The following PRRT3 variants were observed in gnomAD, a reference collection of about 807,000 sequenced individuals.
The protein encoded by PRRT3 is proline rich transmembrane protein 3, also known as proline-rich transmembrane protein 3.
A neutral mutation model predicts 56.6 loss-of-function variants in PRRT3; 48 were observed. The ratio of observed to expected loss-of-function variants is 0.85; its 90% CI spans 0.67 to 1.08. PRRT3 has a LOEUF of 1.08. Ranked by LOEUF, PRRT3 falls within the 50% of genes least tolerant of loss-of-function variation. The pLI is 0.00. For synonymous variants in PRRT3, 641 were observed against 619.1 expected (o/e 1.04, Z -0.52); for missense variants, 1,370 against 1,353.1 (o/e 1.01, Z -0.20).
Position 9,947,822 on chromosome 3 carries a change from C to G in PRRT3, c.1351G>C (p.Ala451Pro). 1 of 1,441,686 alleles carries G rather than the reference C, an allele frequency of 6.9e-7. No individual in the cohort carries two copies. The highest frequency in any genetic ancestry group is 9.1e-7 in the Non-Finnish European group (1 of 1,097,192). 89.3% of individuals were successfully genotyped at this position (1,441,686 alleles called of 1,614,324 possible). Reference protein sequence around the residue: ...MASAPASSPPANATAPPLRWG... With the variant: ...MASAPASSPPPNATAPPLRWG... ...CGTAGCGGGGGTGCAGTGGCGTTGGCTGGGGGGCTGGAGGCTGGGGCTGAA... is the reference window on the plus strand; with the variant it reads ...CGTAGCGGGGGTGCAGTGGCGTTGGGTGGGGGGCTGGAGGCTGGGGCTGAA... The change falls in exon 4 of 4, where the codon GCC becomes CCC. Residue 451 changes from alanine (A) to proline (P), a missense_variant. Coordinates refer to ENST00000412055, the MANE Select transcript of PRRT3 (RefSeq NM_207351.5). The surrounding 1 kb of genome is among the most constrained non-coding windows in gnomAD (Gnocchi z 9.2).
chr3:9,946,572 G>C lies in PRRT3; in HGVS notation c.2601C>G (p.Leu867=), dbSNP rs937957006. 201 of 1,411,142 alleles carry C rather than the reference G, an allele frequency of 1.4e-4. No individual in the cohort carries two copies. Among genetic ancestry groups the C allele is most frequent in the Non-Finnish European group, 1.8e-4 (192 of 1,084,516 alleles). The allele number at this position is 1,411,142 out of a possible 1,614,324, so 87.4% of individuals were successfully genotyped here. ...TGAGCGACCTGCAGCGGCCGCGGAG[G>C]AGCGAGGAGCCAGCGTCGTCGAGCT... ...KAELDDAGSS[L]LRGRCRSLSD... Residue 867 remains leucine, a synonymous_variant, in exon 4 of 4, where the codon CTC becomes CTG. Transcript: ENST00000412055. The surrounding 1 kb of genome is among the most constrained non-coding windows in gnomAD (Gnocchi z 4.1).
chr3:9,947,974 G>A lies in PRRT3; in HGVS notation c.1199C>T (p.Pro400Leu). 7.4e-7 allele frequency: 1 copy of A among 1,357,356 alleles called. No homozygotes were observed. The highest frequency in any genetic ancestry group is 2.2e-5 in the South Asian group (1 of 45,830). 84.1% of individuals were successfully genotyped at this position (1,357,356 alleles called of 1,614,324 possible). A position where few individuals can be genotyped will look rare whatever the true frequency, so the allele number is the denominator to read the frequency against. The change falls in exon 4 of 4, where the codon CCC (proline) becomes CTC (leucine). Residue 400 changes from proline (P) to leucine (L), a missense_variant. Pro to Leu is a moderately conservative substitution (Grantham distance 98). Transcript: ENST00000412055. This position sits in a 1 kb window ranked among gnomAD's most constrained non-coding sequence, Gnocchi z 9.2. ...PDEAEEWPGR[P>L]QSHPPAPPVQ... ...TGGGGGTGCTGGGGGATGGCTTTGG[G>A]GGCGCCCCGGCCACTCCTCGGCTTC...
In PRRT3 at chr3:9,947,143, C is replaced by A. The variant is rs2085539337; in HGVS notation, c.2030G>T (p.Gly677Val). 1.3e-6 allele frequency: 2 copies of A among 1,537,800 alleles called. No individual in the cohort carries two copies. Among genetic ancestry groups the A allele is most frequent in the Non-Finnish European group, 1.7e-6 (2 of 1,147,554 alleles). ...CAGGAGGCGCAGCCAGAAGTGGACACCCCACCAGGCCCACGAGAAGCGGCC... is the reference window on the plus strand; with the variant it reads ...CAGGAGGCGCAGCCAGAAGTGGACAACCCACCAGGCCCACGAGAAGCGGCC... ...RVGRFSWAWW[G>V]VHFWLRLLEL... Residue 677 changes from glycine (G) to valine (V), a missense_variant, in exon 4 of 4, where the codon GGT becomes GTT. Coordinates refer to ENST00000412055, the MANE Select transcript of PRRT3 (RefSeq NM_207351.5). The surrounding 1 kb of genome is among the most constrained non-coding windows in gnomAD (Gnocchi z 9.2).
chr3:9,948,130 C>T (rs2085561319), intron 3 of PRRT3, 129 bp from the exon 4 acceptor site: 3 of 984,508 alleles, frequency 3.0e-6, no homozygotes, highest in Admixed American at 4.0e-5. Flanking sequence ...CAGCACCTGC[C>T]TCATTGCGTT....
At position 9,949,721 on chromosome 3, in the gene PRRT3, T is replaced by G. The variant is rs761330176; in HGVS notation, c.395A>C (p.Asp132Ala). 6.8e-6 allele frequency: 11 copies of G among 1,614,030 alleles called. No individual in the cohort carries two copies. Among genetic ancestry groups the G allele is most frequent in the Middle Eastern group, 1.6e-4 (1 of 6,062 alleles). Residue 132 changes from aspartate to alanine, a missense_variant, in exon 2 of 4, where the codon GAC becomes GCC. Asp to Ala is a moderately radical substitution (Grantham distance 126). Coordinates refer to ENST00000412055, the MANE Select transcript of PRRT3 (RefSeq NM_207351.5). This position sits in a 1 kb window ranked among gnomAD's most constrained non-coding sequence, Gnocchi z 4.5. ...TTCTTGCTGCAGAAGCTCTTGTGAGTCCAGAGGTCCTGTCCAGCCGTGGGA... is the reference window on the plus strand; with the variant it reads ...TTCTTGCTGCAGAAGCTCTTGTGAGGCCAGAGGTCCTGTCCAGCCGTGGGA... ...PSSHGWTGPLDSQELLQQEAV... is the reference protein window; with the variant it reads ...PSSHGWTGPLASQELLQQEAV...
Position 9,946,831 on chromosome 3 carries a change from C to G in PRRT3, c.2342G>C (p.Gly781Ala), listed in dbSNP as rs756695094. Residue 781 changes from glycine to alanine, a missense_variant, in exon 4 of 4, where the codon GGA (glycine) becomes GCA (alanine). Physicochemically the swap from Gly to Ala is moderately conservative, Grantham distance 60. Transcript: ENST00000412055. This position sits in a 1 kb window ranked among gnomAD's most constrained non-coding sequence, Gnocchi z 4.1. ...GGACAGTCCCGGGCCACCCTGGGGT[C>G]CGCGACCCAACGACGCAGCCGAGCC... is the stretch of plus-strand genomic sequence containing the variant. ...AWGSAASLGR[G>A]PQGGPGLSRN... is the part of the protein sequence containing the mutation. 35 of 1,541,454 alleles carry G rather than the reference C, an allele frequency of 2.3e-5. No individual in the cohort carries two copies. Among genetic ancestry groups the G allele is most frequent in the Non-Finnish European group, 2.8e-5 (32 of 1,150,044 alleles).
chr3:9,948,309 G>A, intron 3 of PRRT3: 1 of 354,756 alleles, frequency 2.8e-6, no homozygotes, highest in Non-Finnish European at 5.0e-6. Flanking sequence ...AATTTCTTGG[G>A]ACGTGGCTTG....
chr3:9,950,088 A>C lies in PRRT3; in HGVS notation c.28T>G (p.Cys10Gly). 1 of 1,503,800 alleles carries C rather than the reference A, an allele frequency of 6.6e-7. No homozygotes were observed. The highest frequency in any genetic ancestry group is 1.4e-5 in the South Asian group (1 of 69,850). 93.2% of individuals were successfully genotyped at this position (1,503,800 alleles called of 1,614,324 possible). A position where few individuals can be genotyped will look rare whatever the true frequency, so the allele number is the denominator to read the frequency against. MASSPWGCV[C>G]GLLLLLLPLL... Reference sequence around the variant, plus strand: ...GGCAGCAGCAACAGCAGAAGGCCACATACACAGCCCCATGGGCTGGAGGCC... The same window carrying C: ...GGCAGCAGCAACAGCAGAAGGCCACCTACACAGCCCCATGGGCTGGAGGCC... Residue 10 changes from cysteine (C) to glycine (G), a missense_variant, in exon 2 of 4, where the codon TGT becomes GGT. Transcript: ENST00000412055.
In PRRT3 at chr3:9,949,805, C is replaced by G. The variant is rs374239637; in HGVS notation, c.311G>C (p.Gly104Ala). 8 of 1,614,028 alleles carry G rather than the reference C, an allele frequency of 5.0e-6. No individual in the cohort carries two copies. The African/African-American group carries it at 9.3e-5, about 19-fold the overall frequency. Reference sequence around the variant, plus strand: ...TACTGGGAGTCGTTCTCTCTGAGCTCCTTGTGCTGCTTTGGGCCCGTACAG... The same window carrying G: ...TACTGGGAGTCGTTCTCTCTGAGCTGCTTGTGCTGCTTTGGGCCCGTACAG... Reference protein sequence around the residue: ...PALYGPKAAQGAQRERLPVTD... With the variant: ...PALYGPKAAQAAQRERLPVTD... The change falls in exon 2 of 4, where the codon GGA (glycine) becomes GCA (alanine). Residue 104 changes from glycine (G) to alanine (A), a missense_variant. Gly to Ala is a moderately conservative substitution (Grantham distance 60). Coordinates refer to ENST00000412055, the MANE Select transcript of PRRT3 (RefSeq NM_207351.5). The surrounding 1 kb of genome is among the most constrained non-coding windows in gnomAD (Gnocchi z 4.5).
rs199785762 is a variant in PRRT3, at chr3:9,947,693, C to A, written c.1480G>T (p.Ala494Ser). The change falls in exon 4 of 4, where the codon GCA (alanine) becomes TCA (serine). Residue 494 changes from alanine (A) to serine (S), a missense_variant. Ala to Ser is a moderately conservative substitution (Grantham distance 99). Coordinates refer to ENST00000412055, the MANE Select transcript of PRRT3 (RefSeq NM_207351.5). This position sits in a 1 kb window ranked among gnomAD's most constrained non-coding sequence, Gnocchi z 9.2. ...AGCCGGGGCCCTGCTGGGGCGGCTG[C>A]CAGCGCAGCCAGCGCCAACAACGCG... is the stretch of plus-strand genomic sequence containing the variant. ...LPALLALAAL[A>S]AAPAGPRLAL... 9.0e-4 allele frequency: 1,404 copies of A among 1,565,620 alleles called. 7 individuals are homozygous for A. In the African/African-American group the frequency reaches 0.017, roughly 18 times the overall value.
In PRRT3 at chr3:9,946,995, CT is replaced by C; in HGVS notation, c.2177del (p.Lys726ArgfsTer74). ...TATTGGGTCGCTCCGGCACCTCGCT[CT>C]TTCCTGACGGCGCCGGGCACGCCAG... ...MRLACPAPSGKSEVPERPNNC... is the reference protein window; with the variant it reads ...MRLACPAPSGXSEVPERPNNC... On this transcript the variant is annotated frameshift_variant, in exon 4 of 4. Transcript: ENST00000412055. LOFTEE classifies it high-confidence loss of function. The surrounding 1 kb of genome is among the most constrained non-coding windows in gnomAD (Gnocchi z 4.1). 2 of 1,543,188 alleles carry C rather than the reference CT, an allele frequency of 1.3e-6. No homozygotes were observed.
In PRRT3 at chr3:9,945,615, G is replaced by A. The variant is rs976998825; in HGVS notation, c.*612C>T. 2 of 153,054 alleles carry A rather than the reference G, an allele frequency of 1.3e-5. No individual in the cohort carries two copies. Among genetic ancestry groups the A allele is most frequent in the Non-Finnish European group, 2.9e-5 (2 of 68,364 alleles). 9.5% of individuals were successfully genotyped at this position (153,054 alleles called of 1,614,324 possible). On this transcript the variant is annotated 3_prime_UTR_variant, in exon 4 of 4. Coordinates refer to ENST00000412055, the MANE Select transcript of PRRT3 (RefSeq NM_207351.5). ...AAGCGAGGCTCATCACTCCACGTTG[G>A]GGAGTCTGGGGCACCTGCTCCCTGT...
intron 1 of PRRT3, among the ~76,000 whole-genome samples, chr3:9,951,747 A>G (rs1430513135): frequency 6.6e-6 from 1 of 152,150 alleles, no homozygotes; most frequent in African/African-American, 2.4e-5. Context: ...CCGCCCTCCC[A>G]ATACAAGGTG....
intron 1 of PRRT3, among the ~76,000 whole-genome samples, 173 bp downstream of exon 1, chr3:9,952,143 TCTCCTC>T (rs562516938): frequency 4.0e-5 from 6 of 151,044 alleles, no homozygotes; most frequent in Non-Finnish European, 5.9e-5. Context: ...TCGGGTTACC[TCTCCTC>T]CTCCTCCTCC....
Position 9,947,146 on chromosome 3 carries a change from C to A in PRRT3, c.2027G>T (p.Trp676Leu). The change falls in exon 4 of 4, where the codon TGG (tryptophan) becomes TTG (leucine). Residue 676 changes from tryptophan to leucine, a missense_variant. Transcript: ENST00000412055. The surrounding 1 kb of genome is among the most constrained non-coding windows in gnomAD (Gnocchi z 9.2). ...GAGGCGCAGCCAGAAGTGGACACCC[C>A]ACCAGGCCCACGAGAAGCGGCCCAC... ...GRVGRFSWAW[W>L]GVHFWLRLLE... 6.5e-7 allele frequency: 1 copy of A among 1,537,676 alleles called. No homozygotes were observed. Among genetic ancestry groups the A allele is most frequent in the Non-Finnish European group, 8.7e-7 (1 of 1,147,486 alleles).
In PRRT3 at chr3:9,947,428, C is replaced by T. The variant is rs2085545341; in HGVS notation, c.1745G>A (p.Gly582Asp). The change falls in exon 4 of 4, where the codon GGT (glycine) becomes GAT (aspartate). Residue 582 changes from glycine (G) to aspartate (D), a missense_variant. Physicochemically the swap from Gly to Asp is moderately conservative, Grantham distance 94. Coordinates refer to ENST00000412055, the MANE Select transcript of PRRT3 (RefSeq NM_207351.5). This position sits in a 1 kb window ranked among gnomAD's most constrained non-coding sequence, Gnocchi z 9.2. ...CAGGTCTGTCGCGAGCAACCCTACA[C>T]CATGCACCAGCGCCACTGCTCCCAG... ...LLLGAVALVH[G>D]VGLLATDLLS... 6.2e-7 allele frequency: 1 copy of T among 1,612,570 alleles called. No individual in the cohort carries two copies. The highest frequency in any genetic ancestry group is 1.1e-5 in the South Asian group (1 of 91,088).
At position 9,950,055 on chromosome 3, in the gene PRRT3, C is replaced by T; in HGVS notation, c.61G>A (p.Gly21Arg). 1.3e-6 allele frequency: 2 copies of T among 1,511,926 alleles called. No homozygotes were observed. Among genetic ancestry groups the T allele is most frequent in the Non-Finnish European group, 1.8e-6 (2 of 1,132,608 alleles). 93.7% of individuals were successfully genotyped at this position (1,511,926 alleles called of 1,614,324 possible). A position where few individuals can be genotyped will look rare whatever the true frequency, so the allele number is the denominator to read the frequency against. The change falls in exon 2 of 4, where the codon GGG becomes AGG. Residue 21 changes from glycine (G) to arginine (R), a missense_variant. Transcript: ENST00000412055. ...GLLLLLLPLL[G>R]TGPALGRGFP... is the part of the protein sequence containing the mutation. The stretch of plus-strand genomic sequence containing the variant: ...CCCCTCCCCAGGGCAGGGCCAGTCC[C>T]CAGGAGTGGCAGCAGCAACAGCAGA...
intron 1 of PRRT3, among the ~76,000 whole-genome samples, 191 bp from the exon 2 acceptor site, chr3:9,950,363 C>T (rs1457799118): frequency 6.6e-6 from 1 of 152,210 alleles, no homozygotes; most frequent in African/African-American, 2.4e-5. Context: ...AACATAAGCT[C>T]CTCTCCTGGC....
Position 9,947,430 on chromosome 3 carries a change from A to G in PRRT3, c.1743T>C (p.His581=). 1 of 1,612,412 alleles carries G rather than the reference A, an allele frequency of 6.2e-7. No homozygotes were observed. The highest frequency in any genetic ancestry group is 1.1e-5 in the South Asian group (1 of 91,084). The change falls in exon 4 of 4, where the codon CAT becomes CAC. Residue 581 remains histidine (H), a synonymous_variant. Coordinates refer to ENST00000412055, the MANE Select transcript of PRRT3 (RefSeq NM_207351.5). This position sits in a 1 kb window ranked among gnomAD's most constrained non-coding sequence, Gnocchi z 9.2. The stretch of plus-strand genomic sequence containing the variant: ...GGTCTGTCGCGAGCAACCCTACACC[A>G]TGCACCAGCGCCACTGCTCCCAGCA... The part of the protein sequence containing the change: ...PLLLGAVALV[H]GVGLLATDLL...
Sources: allele counts gnomAD v4.1 joint callset (sites outside exome capture counted in the v4.1 genomes callset), GRCh38; gene constraint gnomAD v4.1.1; non-coding constraint Gnocchi (gnomAD v3.1); transcripts MANE v1.5; gene names NCBI Gene and HGNC (gene_info 2026-07-23, HGNC 2026-07-21).